Variants in RGPD4 observed in about 807,000 individuals in gnomAD.
RGPD4 encodes the protein RANBP2 like and GRIP domain containing 4.
A neutral mutation model predicts 141.1 loss-of-function variants in RGPD4; 84 were observed. The ratio of observed to expected loss-of-function variants is 0.60; its 90% CI spans 0.50 to 0.71. The LOEUF is 0.71. RGPD4 is among the 30% of genes least tolerant of loss of function. The pLI, the probability that RGPD4 is intolerant of heterozygous loss-of-function variation, is 0.00. For missense variants in RGPD4, 918 were observed against 1,622.4 expected, an observed-to-expected ratio of 0.57 and a Z score of 7.46; for synonymous variants, 298 against 566.8, an observed-to-expected ratio of 0.53 and a Z score of 6.74.
At position 107,883,642 on chromosome 2, in the gene RGPD4, AAAAC is replaced by A. The variant is rs1355680489; in HGVS notation, c.5266+773_5266+776del. On this transcript the variant is annotated intron_variant, in intron 22 of 22. Coordinates refer to ENST00000408999, the MANE Select transcript of RGPD4 (RefSeq NM_182588.3). ...CTCCATCTCAAAAAAAAAAAAAACA[AAAAC>A]AAAAAACTATGATGTAGTTAGAGTT... 7.3e-3 allele frequency among the ~76,000 whole-genome samples: 802 copies of A among 109,144 alleles called. 94 individuals are homozygous for A. Among genetic ancestry groups the A allele is most frequent in the African/African-American group, 0.033 (735 of 22,456 alleles). 71.6% of individuals were successfully genotyped at this position (109,144 alleles called of 152,430 possible). A position where few individuals can be genotyped will look rare whatever the true frequency, so the allele number is the denominator to read the frequency against.
At chr2:107,829,225 C>A (rs866900240) in intron 1 of RGPD4, among the ~76,000 whole-genome samples, 2 of 19,038 alleles carry the variant, frequency 1.1e-4, no homozygotes, top group Admixed American at 3.5e-4. Flanking sequence ...CGTCATGGCT[C>A]CCGACGGGCG....
chr2:107,826,957 AC>A lies in RGPD4; in HGVS notation c.-56del, dbSNP rs1342719237. 1.9e-6 allele frequency: 3 copies of A among 1,560,886 alleles called. No homozygotes were observed. In the African/African-American group the frequency reaches 4.1e-5, roughly 21 times the overall value. On this transcript the variant is annotated 5_prime_UTR_variant, in exon 1 of 23. It adds an upstream start codon to the 5' untranslated region. Transcript: ENST00000408999. ...AGGCGCTTTCCTGTTGGAATTGGCG[AC>A]TGCTGCGGGGCTGAGCGCTGGTTTC...
chr2:107,844,480 TCTC>T (rs1235692782), intron 6 of RGPD4, among the ~76,000 whole-genome samples: 6 of 152,212 alleles, frequency 3.9e-5, no homozygotes, highest in African/African-American at 9.7e-5. Context: ...AGATTAGTAA[TCTC>T]CTCCTTTTTG....
rs1036720721 is a variant in RGPD4, at chr2:107,846,473, C to CT, written c.783-1858dup. Among the ~76,000 whole-genome samples, 661 of 148,464 alleles carry CT rather than the reference C, an allele frequency of 4.5e-3. 16 individuals carry two copies. Among genetic ancestry groups the CT allele is most frequent in the African/African-American group, 0.015 (591 of 40,218 alleles). ...CCCTACTGTGTGTTAATAATTATAG[C>CT]TTTTTTTTTTGAGACGGAGTTTTGC... On this transcript the variant is annotated intron_variant, in intron 6 of 22. Transcript: ENST00000408999.
intron 1 of RGPD4, among the ~76,000 whole-genome samples, chr2:107,828,053 G>C (rs1681295069): frequency 1.7e-5 from 1 of 59,522 alleles, no homozygotes; most frequent in African/African-American, 7.5e-5. Context: ...CTCCCGACGG[G>C]CGCTGCTCCC....
At position 107,870,700 on chromosome 2, in the gene RGPD4, T is replaced by C; in HGVS notation, c.2701-5T>C. 6.2e-7 allele frequency: 1 copy of C among 1,600,706 alleles called. No individual in the cohort carries two copies. Among genetic ancestry groups the C allele is most frequent in the Non-Finnish European group, 8.5e-7 (1 of 1,173,422 alleles). On this transcript the variant is annotated splice_polypyrimidine_tract_variant and splice_region_variant and intron_variant, in intron 19 of 22. Coordinates refer to ENST00000408999, the MANE Select transcript of RGPD4 (RefSeq NM_182588.3). ...CAAGAAAATTCACCTTCATTTATGT[T>C]TCAGGGTTCTTCTAATACAGAATTT...
intron 22 of RGPD4, among the ~76,000 whole-genome samples, chr2:107,886,511 T>C (rs1675516982): frequency 6.7e-6 from 1 of 148,322 alleles, no homozygotes; most frequent in African/African-American, 2.5e-5. Flanking sequence ...AAACAAAAAC[T>C]TTAAGAATCT....
chr2:107,865,373 T>C (rs1406626150), intron 17 of RGPD4, among the ~76,000 whole-genome samples: 1 of 151,260 alleles, frequency 6.6e-6, no homozygotes, highest in Non-Finnish European at 1.5e-5. Flanking sequence ...AGTTGTATTT[T>C]GTTTGAACAC....
At chr2:107,861,017 C>T (rs1682521653) in intron 13 of RGPD4, 90 bp downstream of exon 13, 1 of 911,760 alleles carries the variant, frequency 1.1e-6, no homozygotes, top group Non-Finnish European at 1.5e-6. Flanking sequence ...AAATTAATTG[C>T]CTTGTTATTT....
intron 7 of RGPD4, among the ~76,000 whole-genome samples, chr2:107,854,294 C>A (rs1489240652): frequency 6.6e-6 from 1 of 150,730 alleles, no homozygotes; most frequent in African/African-American, 2.4e-5. Flanking sequence ...GAACTCCTGA[C>A]CTCAAGTGAT....
intron 6 of RGPD4, among the ~76,000 whole-genome samples, chr2:107,846,930 A>G (rs1681972185): frequency 6.6e-6 from 1 of 150,934 alleles, no homozygotes; most frequent in Admixed American, 6.6e-5. Context: ...AAACTATTAC[A>G]TGTCATGAAG....
intron 22 of RGPD4, 38 bp from the exon 23 acceptor site, chr2:107,890,683 C>G (rs767151015): frequency 6.6e-7 from 1 of 1,508,438 alleles, no homozygotes; most frequent in Non-Finnish European, 8.9e-7. Flanking sequence ...AATTTTAATA[C>G]TCTCTTTTTT....
At chr2:107,829,469 G>A (rs868026005) in intron 1 of RGPD4, among the ~76,000 whole-genome samples, 1 of 71,394 alleles carries the variant, frequency 1.4e-5, no homozygotes, top group Non-Finnish European at 3.1e-5. Flanking sequence ...CCCGGCGGCG[G>A]CCTCGATGGC....
intron 11 of RGPD4, 76 bp from the exon 12 acceptor site, chr2:107,859,646 C>A (rs1035199286): frequency 3.1e-6 from 5 of 1,611,042 alleles, no homozygotes; most frequent in East Asian, 4.5e-5. Flanking sequence ...TGTCATGTGA[C>A]CCATTAACAT....
Position 107,838,970 on chromosome 2 carries a change from C to T in RGPD4, c.405+6C>T, listed in dbSNP as rs776029689. On this transcript the variant is annotated splice_donor_region_variant and intron_variant, in intron 4 of 22. Coordinates refer to ENST00000408999, the MANE Select transcript of RGPD4 (RefSeq NM_182588.3). The stretch of plus-strand genomic sequence containing the variant: ...CTGCAATTTATAAACTAAAGGTAAA[C>T]AAACAAAACATAAAGGGAGAAAACT... The T allele has an allele frequency of 6.9e-7, 1 of 1,458,490 alleles. No homozygotes were observed. The highest frequency in any genetic ancestry group is 2.4e-5 in the East Asian group (1 of 42,436). 90.3% of individuals were successfully genotyped at this position (1,458,490 alleles called of 1,614,324 possible). A position where few individuals can be genotyped will look rare whatever the true frequency, so the allele number is the denominator to read the frequency against.
chr2:107,829,691 C>G (rs1035272690), intron 1 of RGPD4, among the ~76,000 whole-genome samples: 1 of 152,102 alleles, frequency 6.6e-6, no homozygotes, highest in Non-Finnish European at 1.5e-5. Flanking sequence ...CTGGGGGGAC[C>G]GCGGCGGGCG....
intron 6 of RGPD4, among the ~76,000 whole-genome samples, chr2:107,844,823 C>CTTTTTTTTTTTTTT (rs1681859511): frequency 5.6e-5 from 3 of 53,856 alleles, no homozygotes; most frequent in Non-Finnish European, 8.2e-5. Context: ...TTCTTTCTTT[C>CTTTTTTTTTTTTTT]TTTTTTGTTT....
At chr2:107,884,204 G>A (rs759191100) in intron 22 of RGPD4, among the ~76,000 whole-genome samples, 34 of 151,994 alleles carry the variant, frequency 2.2e-4, no homozygotes, top group East Asian at 5.8e-4. Context: ...TCCGCCTCCC[G>A]GATTCAAGCG....
chr2:107,845,298 G>T (rs1224013354), intron 6 of RGPD4, among the ~76,000 whole-genome samples: 59 of 118,356 alleles, frequency 5.0e-4, no homozygotes, highest in African/African-American at 1.9e-3. Flanking sequence ...GAGTACAGTG[G>T]CGCAATCTCG....
Sources: gnomAD v4.1 joint callset for allele counts (sites outside exome capture counted in the v4.1 genomes callset) on GRCh38, gnomAD v4.1.1 for gene constraint, MANE v1.5 for transcripts, NCBI Gene and HGNC (gene_info 2026-07-23, HGNC 2026-07-21) for gene names.